DOCK3: variants seen among roughly 807,000 people sequenced by gnomAD.
DOCK3 encodes dedicator of cytokinesis 3.
Under a neutral mutation model 265.6 loss-of-function variants are expected in DOCK3, and 60 were observed. That is an observed-to-expected ratio of 0.23 (90% CI 0.18 to 0.28). The LOEUF (loss-of-function observed/expected upper bound fraction) is 0.28. DOCK3 is among the 10% of genes least tolerant of loss of function. The pLI, the probability that DOCK3 is intolerant of heterozygous loss-of-function variation, is 1.00. For synonymous variants in DOCK3, 881 were observed against 938.0 expected (o/e 0.94, Z 1.11); for missense variants, 1,981 against 2,594.3 (o/e 0.76, Z 5.14).
At chr3:50,780,402 C>G (rs2041851413) in intron 2 of DOCK3, among the ~76,000 whole-genome samples, 1 of 152,102 alleles carries the variant, frequency 6.6e-6, no homozygotes, top group Non-Finnish European at 1.5e-5. Flanking sequence ...GTTCTGTAGG[C>G]TGTACAAGAA....
intron 5 of DOCK3, among the ~76,000 whole-genome samples, chr3:51,031,575 A>G (rs985563946): frequency 2.0e-5 from 3 of 152,186 alleles, no homozygotes; most frequent in African/African-American, 7.2e-5. Flanking sequence ...TTTTATGGTG[A>G]AAGAACCAGC....
intron 6 of DOCK3, among the ~76,000 whole-genome samples, chr3:51,066,876 G>C (rs1259651236): frequency 6.6e-6 from 1 of 152,030 alleles, no homozygotes; most frequent in Non-Finnish European, 1.5e-5. Context: ...AGGATTGCTT[G>C]GCACCTACCA....
chr3:51,055,866 A>G (rs1170576542), intron 5 of DOCK3, among the ~76,000 whole-genome samples: 1 of 152,214 alleles, frequency 6.6e-6, no homozygotes, highest in Non-Finnish European at 1.5e-5. Flanking sequence ...TATGTGTTGT[A>G]AGAGAGGATT....
At chr3:51,063,656 A>C (rs1213412778) in intron 5 of DOCK3, among the ~76,000 whole-genome samples, 1 of 152,244 alleles carries the variant, frequency 6.6e-6, no homozygotes, top group Non-Finnish European at 1.5e-5. Context: ...TTCTAAAATC[A>C]AGATTTCACA....
At chr3:51,229,111 C>T (rs527807858) in intron 18 of DOCK3, among the ~76,000 whole-genome samples, 43 of 152,252 alleles carry the variant, frequency 2.8e-4, no homozygotes, top group African/African-American at 1.0e-3. Context: ...CTCTAGATTC[C>T]ACCTGTCCTT....
intron 1 of DOCK3, among the ~76,000 whole-genome samples, chr3:50,722,769 G>GTTTTTTT (rs58505050): frequency 2.2e-5 from 3 of 135,110 alleles, no homozygotes; most frequent in Non-Finnish European, 3.1e-5. Context: ...TCTTTTTCTT[G>GTTTTTTT]TTTTTTTTTT....
chr3:51,342,988 G>C (rs2085336854), intron 38 of DOCK3, among the ~76,000 whole-genome samples: 1 of 152,184 alleles, frequency 6.6e-6, no homozygotes, highest in South Asian at 2.1e-4. Flanking sequence ...GGCTCACACA[G>C]AAGGCCTACC....
chr3:50,882,399 A>T (rs1034235276), intron 3 of DOCK3, among the ~76,000 whole-genome samples: 6 of 152,166 alleles, frequency 3.9e-5, no homozygotes, highest in Non-Finnish European at 8.8e-5. Context: ...GAATCTACAA[A>T]GAACTTAAAC....
intron 32 of DOCK3, among the ~76,000 whole-genome samples, chr3:51,328,961 T>C (rs957366759): frequency 1.3e-5 from 2 of 152,110 alleles, no homozygotes; most frequent in African/African-American, 4.8e-5. Flanking sequence ...AATACCAGCC[T>C]GGGCAACATG....
chr3:50,845,707 G>A lies in DOCK3; in HGVS notation c.162+3992G>A, dbSNP rs549003624. ...TATAACTATAAAATAGGGTTTATCA[G>A]GAAAACAAAAGGTAAATATTGAAGA... On this transcript the variant is annotated intron_variant, in intron 3 of 52. Coordinates refer to ENST00000266037, the MANE Select transcript of DOCK3 (RefSeq NM_004947.5). 3.9e-5 allele frequency among the ~76,000 whole-genome samples: 6 copies of A among 152,244 alleles called. No individual in the cohort carries two copies. The South Asian group carries it at 1.0e-3, about 26-fold the overall frequency.
chr3:51,041,191 TA>T (rs869105412), intron 5 of DOCK3, among the ~76,000 whole-genome samples: 193 of 17,486 alleles, frequency 0.011, 4 homozygotes, highest in African/African-American at 0.033. Context: ...TATATATATA[TA>T]TATATATATA....
At chr3:51,109,945 T>G (rs950493875) in intron 9 of DOCK3, among the ~76,000 whole-genome samples, 3 of 151,244 alleles carry the variant, frequency 2.0e-5, no homozygotes, top group African/African-American at 7.3e-5. Flanking sequence ...AAAAAAAAAT[T>G]CAAATAAACA....
chr3:51,194,915 C>T (rs1255117648), intron 12 of DOCK3, among the ~76,000 whole-genome samples: 1 of 150,482 alleles, frequency 6.6e-6, no homozygotes, highest in Non-Finnish European at 1.5e-5. Flanking sequence ...ACCTCTGCCT[C>T]CCGAGTTCAA....
intron 22 of DOCK3, among the ~76,000 whole-genome samples, chr3:51,254,959 G>A (rs1048271034): frequency 2.6e-5 from 4 of 152,152 alleles, no homozygotes; most frequent in Non-Finnish European, 5.9e-5. Flanking sequence ...TTTCTTCCTA[G>A]CATCTATGGT....
intron 5 of DOCK3, among the ~76,000 whole-genome samples, chr3:51,008,060 C>T (rs1007956883): frequency 1.2e-4 from 19 of 152,244 alleles, no homozygotes; most frequent in Non-Finnish European, 2.4e-4. Context: ...TAGCATGATG[C>T]CTCCAGCTTT....
rs1199540803 is a variant in DOCK3 at position 51,338,435 on chromosome 3, C to T, written c.3672+16C>T. 10 of 1,551,712 alleles carry T rather than the reference C, an allele frequency of 6.4e-6. No homozygotes were observed. Among genetic ancestry groups the T allele is most frequent in the Non-Finnish European group, 7.0e-6 (8 of 1,147,018 alleles). On this transcript the variant is annotated intron_variant, in intron 36 of 52. Coordinates refer to ENST00000266037, the MANE Select transcript of DOCK3 (RefSeq NM_004947.5). ...TAACCTGATGGTGAGAGGACATGGG[C>T]CCTGACTTCTCTCTGCCTACTGAAA...
At chr3:50,835,931 G>T (rs1242340151) in intron 2 of DOCK3, among the ~76,000 whole-genome samples, 1 of 152,116 alleles carries the variant, frequency 6.6e-6, no homozygotes, top group African/African-American at 2.4e-5. Context: ...CCAAGAGCTT[G>T]CTTCTCTTAT....
At chr3:51,039,775 G>A (rs781204890) in intron 5 of DOCK3, among the ~76,000 whole-genome samples, 3 of 151,108 alleles carry the variant, frequency 2.0e-5, no homozygotes, top group Non-Finnish European at 4.4e-5. Flanking sequence ...CTCTCTACCC[G>A]CAGTCTATCA....
chr3:50,860,999 G>A (rs2046882351), intron 3 of DOCK3, among the ~76,000 whole-genome samples: 1 of 152,220 alleles, frequency 6.6e-6, no homozygotes, highest in South Asian at 2.1e-4. Context: ...CTGAGTGGCT[G>A]CTCTGCCGAG....
Sources: allele counts gnomAD v4.1 joint callset (sites outside exome capture counted in the v4.1 genomes callset), GRCh38; gene constraint gnomAD v4.1.1; transcripts MANE v1.5; gene names NCBI Gene and HGNC (gene_info 2026-07-23, HGNC 2026-07-21).